Variants in PPP2R2C observed in about 807,000 individuals in gnomAD.
PPP2R2C encodes the protein protein phosphatase 2, regulatory subunit B, gamma.
PPP2R2C carries 10 observed loss-of-function variants against 45.3 expected under a neutral mutation model. That is an observed-to-expected ratio of 0.22 (90% CI 0.14 to 0.37). The LOEUF is 0.37. PPP2R2C is among the 10% of genes least tolerant of loss of function. The pLI is 1.00. For synonymous variants in PPP2R2C, 257 were observed against 245.4 expected, an observed-to-expected ratio of 1.05 and a Z score of -0.44; for missense variants, 308 against 619.7, an observed-to-expected ratio of 0.50 and a Z score of 5.34.
chr4:6,429,571 A>G (rs1035863371), intron 1 of PPP2R2C, among the ~76,000 whole-genome samples: 1 of 152,194 alleles, frequency 6.6e-6, no homozygotes, highest in African/African-American at 2.4e-5. Flanking sequence ...GACAAACAGC[A>G]CGAGACCCCC....
chr4:6,382,370 T>C, intron 1 of PPP2R2C: 1 of 1,341,642 alleles, frequency 7.5e-7, no homozygotes, highest in Non-Finnish European at 9.8e-7. Flanking sequence ...GATCTGACCG[T>C]TGCTCCCTGT....
At chr4:6,363,648 T>C (rs372423258) in intron 5 of PPP2R2C, among the ~76,000 whole-genome samples, 2 of 151,982 alleles carry the variant, frequency 1.3e-5, no homozygotes, top group East Asian at 3.9e-4. Context: ...CAAAGAGATG[T>C]CCATGAACAT....
At chr4:6,487,385 A>C (rs1722561660) in intron 2 of PPP2R2C, among the ~76,000 whole-genome samples, 1 of 151,892 alleles carries the variant, frequency 6.6e-6, no homozygotes, top group African/African-American at 2.4e-5. Flanking sequence ...CATTTCTTGT[A>C]CTACAGGCCT....
intron 5 of PPP2R2C, among the ~76,000 whole-genome samples, chr4:6,367,324 A>C (rs571170863): frequency 6.6e-6 from 1 of 151,818 alleles, no homozygotes; most frequent in East Asian, 1.9e-4. Flanking sequence ...ATGGTGGAAA[A>C]CCTCCAGTGG....
intron 1 of PPP2R2C, among the ~76,000 whole-genome samples, chr4:6,408,476 T>C (rs1482042280): frequency 2.0e-5 from 3 of 152,176 alleles, no homozygotes; most frequent in East Asian, 3.9e-4. Context: ...CCAATCATCT[T>C]TCTCTCCCAG....
intron 1 of PPP2R2C, among the ~76,000 whole-genome samples, chr4:6,407,669 G>A (rs956380010): frequency 1.3e-5 from 2 of 152,118 alleles, no homozygotes; most frequent in Admixed American, 1.3e-4. Flanking sequence ...CCAAAGGCTG[G>A]GATTACAGGT....
intron 5 of PPP2R2C, among the ~76,000 whole-genome samples, chr4:6,366,987 G>A (rs183267563): frequency 8.6e-5 from 13 of 152,026 alleles, no homozygotes; most frequent in African/African-American, 1.7e-4. Flanking sequence ...AGGACAGGGC[G>A]GGATTCAGGC....
Position 6,330,001 on chromosome 4 carries a change from G to A in PPP2R2C, c.961-648C>T, listed in dbSNP as rs1560445368. 6.6e-6 allele frequency among the ~76,000 whole-genome samples: 1 copy of A among 151,992 alleles called. No individual in the cohort carries two copies. The highest frequency in any genetic ancestry group is 1.5e-5 in the Non-Finnish European group (1 of 68,004). ...GGCGGCCATCAAGAAAGGGGAAGAGGGAACCCACAGAGGTTTCTCATCCAT... is the reference window on the plus strand; with the variant it reads ...GGCGGCCATCAAGAAAGGGGAAGAGAGAACCCACAGAGGTTTCTCATCCAT... On this transcript the variant is annotated intron_variant, in intron 7 of 8. Transcript: ENST00000382599. The surrounding 1 kb of genome is among the most constrained non-coding windows in gnomAD (Gnocchi z 7.0).
At chr4:6,415,206 G>A (rs1718491767) in intron 1 of PPP2R2C, among the ~76,000 whole-genome samples, 1 of 152,218 alleles carries the variant, frequency 6.6e-6, no homozygotes, top group South Asian at 2.1e-4. Context: ...GGATCAAACT[G>A]GCCAGCGCCA....
intron 1 of PPP2R2C, among the ~76,000 whole-genome samples, chr4:6,454,801 G>A (rs563877061): frequency 3.9e-5 from 6 of 152,282 alleles, no homozygotes; most frequent in South Asian, 2.1e-4. Flanking sequence ...GTGCAAACGC[G>A]ATGTCATTCT....
chr4:6,333,437 C>T (rs1388174863), intron 7 of PPP2R2C, 125 bp downstream of exon 7: 3 of 1,123,174 alleles, frequency 2.7e-6, no homozygotes, highest in Non-Finnish European at 3.8e-6. Flanking sequence ...TTTCTTCAGC[C>T]TCCGTGTCTT....
rs1714549324 is a variant in PPP2R2C at position 6,368,723 on chromosome 4, C to T, written c.625+3800G>A. 6.6e-6 allele frequency among the ~76,000 whole-genome samples: 1 copy of T among 152,180 alleles called. No individual in the cohort carries two copies. Among genetic ancestry groups the T allele is most frequent in the Non-Finnish European group, 1.5e-5 (1 of 68,036 alleles). ...TTACAATCTCATTCCTCCACCGCCT[C>T]CCACCCGTGGCCACGCTCTGGCCCT... is the stretch of plus-strand genomic sequence containing the variant. On this transcript the variant is annotated intron_variant, in intron 5 of 8. Coordinates refer to ENST00000382599, the MANE Select transcript of PPP2R2C (RefSeq NM_020416.4). The surrounding 1 kb of genome is among the most constrained non-coding windows in gnomAD (Gnocchi z 4.2).
chr4:6,495,110 G>C (rs970129952), intron 2 of PPP2R2C, among the ~76,000 whole-genome samples: 4 of 152,228 alleles, frequency 2.6e-5, no homozygotes, highest in Non-Finnish European at 5.9e-5. Flanking sequence ...CATCCAGCCT[G>C]CCCTGCCAAG....
intron 1 of PPP2R2C, among the ~76,000 whole-genome samples, chr4:6,428,116 A>G (rs1191681582): frequency 1.3e-5 from 2 of 152,176 alleles, no homozygotes; most frequent in African/African-American, 2.4e-5. Flanking sequence ...CACAATCCAT[A>G]CCTTCCTCTT....
chr4:6,553,684 A>C (rs1180465150), intron 1 of PPP2R2C, among the ~76,000 whole-genome samples: 2 of 152,220 alleles, frequency 1.3e-5, no homozygotes, highest in Non-Finnish European at 2.9e-5. Flanking sequence ...GAACGACCCA[A>C]GTTTTCACCC....
At chr4:6,466,102 C>T (rs1270158894) in intron 1 of PPP2R2C, among the ~76,000 whole-genome samples, 1 of 152,220 alleles carries the variant, frequency 6.6e-6, no homozygotes, top group Non-Finnish European at 1.5e-5. Context: ...TATTTGAAAG[C>T]ATGGCCCCTG....
At chr4:6,410,947 C>T (rs756430200) in intron 1 of PPP2R2C, among the ~76,000 whole-genome samples, 1 of 151,966 alleles carries the variant, frequency 6.6e-6, no homozygotes, top group Admixed American at 6.6e-5. Context: ...CTGCTCACTG[C>T]AGCTTCAACC....
At chr4:6,467,164 A>C (rs1204738657) in intron 1 of PPP2R2C, among the ~76,000 whole-genome samples, 2 of 152,230 alleles carry the variant, frequency 1.3e-5, no homozygotes, top group African/African-American at 4.8e-5. Flanking sequence ...CAGAAGCGAA[A>C]GGAACACAGA....
chr4:6,381,671 C>T, intron 1 of PPP2R2C: 1 of 1,515,818 alleles, frequency 6.6e-7, no homozygotes, highest in Non-Finnish European at 8.8e-7. Context: ...TCTCTGCTCG[C>T]AGAAGCGAAG....
Sources: allele counts gnomAD v4.1 joint callset (sites outside exome capture counted in the v4.1 genomes callset), GRCh38; gene constraint gnomAD v4.1.1; non-coding constraint Gnocchi (gnomAD v3.1); transcripts MANE v1.5; gene names NCBI Gene and HGNC (gene_info 2026-07-23, HGNC 2026-07-21).